FYB1: variants seen among roughly 807,000 people sequenced by gnomAD.
The protein encoded by FYB1 is FYN-binding protein 1.
In FYB1, 41 loss-of-function variants were observed where a neutral mutation model predicts 94.1. The ratio of observed to expected loss-of-function variants is 0.44; its 90% CI spans 0.34 to 0.57. FYB1 has a LOEUF of 0.57. Ranked by LOEUF, FYB1 falls within the 20% of genes least tolerant of loss-of-function variation. The probability of loss-of-function intolerance (pLI) is 0.02; values close to 1 mark genes in which losing one functional copy is unlikely to be tolerated. For synonymous variants in FYB1, 367 were observed against 353.2 expected (o/e 1.04, Z -0.44); for missense variants, 1,050 against 976.8 (o/e 1.07, Z -1.00).
At chr5:39,231,654 A>G (rs1020044066) in intron 1 of FYB1, among the ~76,000 whole-genome samples, 1 of 152,132 alleles carries the variant, frequency 6.6e-6, no homozygotes, top group African/African-American at 2.4e-5. Flanking sequence ...TAGTGCAAAC[A>G]ATGGGAGAAA....
chr5:39,247,851 C>A (rs1005958100), intron 1 of FYB1, among the ~76,000 whole-genome samples: 1 of 150,040 alleles, frequency 6.7e-6, no homozygotes, highest in Non-Finnish European at 1.5e-5. Context: ...GATGCATTGG[C>A]AATAACTTTT....
At chr5:39,217,608 C>T (rs1363308496) in intron 1 of FYB1, among the ~76,000 whole-genome samples, 1 of 152,160 alleles carries the variant, frequency 6.6e-6, no homozygotes, top group East Asian at 1.9e-4. Flanking sequence ...GATAAAGAAA[C>T]TGAGTCATGG....
intron 15 of FYB1, 70 bp from the exon 16 acceptor site, chr5:39,119,106 G>A (rs1017771485): frequency 4.3e-6 from 3 of 705,264 alleles, no homozygotes; most frequent in East Asian, 6.4e-5. Context: ...TTTATGGATG[G>A]ATTTATTAAA....
intron 16 of FYB1, among the ~76,000 whole-genome samples, chr5:39,116,242 G>T (rs1401887132): frequency 6.6e-6 from 1 of 152,134 alleles, no homozygotes; most frequent in Non-Finnish European, 1.5e-5. Flanking sequence ...ACAAAATCCA[G>T]CCCATAGAAA....
chr5:39,234,875 C>T (rs1040190739), intron 1 of FYB1, among the ~76,000 whole-genome samples: 27 of 152,042 alleles, frequency 1.8e-4, no homozygotes, highest in Non-Finnish European at 3.7e-4. Flanking sequence ...GAACATCATA[C>T]ACCAGGGCCT....
At chr5:39,149,232 A>C (rs760882156) in intron 3 of FYB1, among the ~76,000 whole-genome samples, 1 of 152,204 alleles carries the variant, frequency 6.6e-6, no homozygotes, top group Non-Finnish European at 1.5e-5. Flanking sequence ...GACCTGAATG[A>C]TATGATTGCA....
intron 1 of FYB1, among the ~76,000 whole-genome samples, chr5:39,271,297 A>G (rs534955492): frequency 3.9e-5 from 6 of 152,192 alleles, no homozygotes; most frequent in Non-Finnish European, 2.9e-5. Flanking sequence ...AATATTTGTT[A>G]GCATCAGATG....
intron 1 of FYB1, among the ~76,000 whole-genome samples, chr5:39,262,954 A>G (rs1159647351): frequency 6.6e-6 from 1 of 152,122 alleles, no homozygotes; most frequent in East Asian, 1.9e-4. Flanking sequence ...GTGCTGTGGG[A>G]AGGAGGGACA....
intron 2 of FYB1, among the ~76,000 whole-genome samples, chr5:39,180,034 C>T (rs190338277): frequency 6.6e-6 from 1 of 152,066 alleles, no homozygotes; most frequent in East Asian, 1.9e-4. Context: ...TGTAAGTGCC[C>T]ATTTTTCTGA....
At position 39,242,660 on chromosome 5, in the gene FYB1, T is replaced by G. The variant is rs190465093; in HGVS notation, c.-28+31743A>C. On this transcript the variant is annotated intron_variant, in intron 1 of 1. Coordinates refer to the FYB1 transcript ENST00000510188. ...AATCCTTTGGGTATATACCCAGTAA[T>G]GGGATGGCTGGGTCAAATGGTATTT... Among the ~76,000 whole-genome samples the G allele has an allele frequency of 6.1e-3, 935 of 152,246 alleles. 23 individuals are homozygous for G. The highest frequency in any genetic ancestry group is 0.056 in the South Asian group (271 of 4,822).
At chr5:39,256,172 T>G (rs964733941) in intron 1 of FYB1, among the ~76,000 whole-genome samples, 3 of 152,204 alleles carry the variant, frequency 2.0e-5, no homozygotes, top group Non-Finnish European at 4.4e-5. Flanking sequence ...TTCTAGTTTG[T>G]GCAAATTACC....
In FYB1 at chr5:39,233,280, G is replaced by A. The variant is rs548282163; in HGVS notation, c.-27-30293C>T. ...AGATGTAGCCCCCAAAGAGCTGTGGGTAATTAGTTGACTGGATGAAGAACC... is the reference window on the plus strand; with the variant it reads ...AGATGTAGCCCCCAAAGAGCTGTGGATAATTAGTTGACTGGATGAAGAACC... On this transcript the variant is annotated intron_variant, in intron 1 of 1. Transcript: ENST00000510188. 2.0e-5 allele frequency among the ~76,000 whole-genome samples: 3 copies of A among 152,264 alleles called. No homozygotes were observed. The East Asian group carries it at 5.8e-4, about 29-fold the overall frequency.
At position 39,169,030 on chromosome 5, in the gene FYB1, A is replaced by G. The variant is rs558680704; in HGVS notation, c.1136-15426T>C. 2.0e-5 allele frequency among the ~76,000 whole-genome samples: 3 copies of G among 152,320 alleles called. No individual in the cohort carries two copies. The South Asian group carries it at 6.2e-4, about 32-fold the overall frequency. On this transcript the variant is annotated intron_variant, in intron 2 of 18. Coordinates refer to ENST00000512982, the MANE Select transcript of FYB1 (RefSeq NM_001465.6). ...ATTGTCTCTTTTAGAAACTCTTACC[A>G]TTTAAAGGAAATAGGAAGATTTAGG...
At chr5:39,184,397 T>G (rs1312203282) in intron 2 of FYB1, among the ~76,000 whole-genome samples, 1 of 152,198 alleles carries the variant, frequency 6.6e-6, no homozygotes, top group Admixed American at 6.5e-5. Flanking sequence ...TTGTTTGACT[T>G]TATATGATTT....
At chr5:39,115,182 G>T (rs1739419481) in intron 16 of FYB1, among the ~76,000 whole-genome samples, 1 of 150,566 alleles carries the variant, frequency 6.6e-6, no homozygotes, top group African/African-American at 2.5e-5. Flanking sequence ...TGCAAACTCT[G>T]CCTCCTGGGT....
At chr5:39,119,454 T>C (rs570634593) in intron 15 of FYB1, 81 bp downstream of exon 15, 3 of 1,008,520 alleles carry the variant, frequency 3.0e-6, no homozygotes, top group African/African-American at 3.3e-5. Context: ...GATTTTTCAA[T>C]AGTGTTTTTT....
chr5:39,215,507 T>G (rs1749789729), intron 1 of FYB1, among the ~76,000 whole-genome samples: 1 of 152,200 alleles, frequency 6.6e-6, no homozygotes, highest in Non-Finnish European at 1.5e-5. Flanking sequence ...CCCACCCTGC[T>G]GTGCTCCTCT....
intron 3 of FYB1, among the ~76,000 whole-genome samples, chr5:39,142,879 C>G (rs1018477522): frequency 6.6e-6 from 1 of 152,160 alleles, no homozygotes; most frequent in African/African-American, 2.4e-5. Context: ...CCATTTTGCC[C>G]TCTTTGAGTC....
chr5:39,182,265 CTT>C (rs1363546898), intron 2 of FYB1, among the ~76,000 whole-genome samples: 1 of 139,856 alleles, frequency 7.2e-6, no homozygotes, highest in African/African-American at 2.8e-5. Context: ...CATACAAATG[CTT>C]TTTGTGTGTG....
Sources: gnomAD v4.1 joint callset for allele counts (sites outside exome capture counted in the v4.1 genomes callset) on GRCh38, gnomAD v4.1.1 for gene constraint, MANE v1.5 for transcripts, NCBI Gene and HGNC (gene_info 2026-07-23, HGNC 2026-07-21) for gene names.